CRP: variants seen among roughly 807,000 people sequenced by gnomAD.
The protein encoded by CRP is C-reactive protein.
In CRP, 6 loss-of-function variants were observed where a neutral mutation model predicts 3.0. That is an observed-to-expected ratio of 2.02 (90% CI 1.11 to 3.99). CRP has a LOEUF of 3.99. Ranked by LOEUF, CRP falls within the 30% of genes most tolerant of loss-of-function variation. The probability of loss-of-function intolerance (pLI) is 0.00; values close to 1 mark genes in which losing one functional copy is unlikely to be tolerated. For synonymous variants in CRP, 130 were observed against 111.0 expected, an observed-to-expected ratio of 1.17 and a Z score of -1.08; for missense variants, 297 against 271.0, an observed-to-expected ratio of 1.10 and a Z score of -0.67.
At position 159,713,943 on chromosome 1, in the gene CRP, G is replaced by T; in HGVS notation, c.257C>A (p.Ser86Tyr). Residue 86 changes from serine to tyrosine, a missense_variant, in exon 2 of 2, where the codon TCT becomes TAT. By Grantham distance (144) the Ser-to-Tyr change is moderately radical (BLOSUM62 -2). Coordinates refer to ENST00000255030, the MANE Select transcript of CRP (RefSeq NM_000567.3). ...TGTAAAACTGTATCCTATATCCTTAGACCAAAATATGAGAATCTCATTGTC... is the reference window on the plus strand; with the variant it reads ...TGTAAAACTGTATCCTATATCCTTATACCAAAATATGAGAATCTCATTGTC... Reference protein sequence around the residue: ...RQDNEILIFWSKDIGYSFTVG... With the variant: ...RQDNEILIFWYKDIGYSFTVG... The T allele has an allele frequency of 6.2e-7, 1 of 1,613,768 alleles. No individual in the cohort carries two copies. Among genetic ancestry groups the T allele is most frequent in the Non-Finnish European group, 8.5e-7 (1 of 1,179,994 alleles).
Position 159,713,591 on chromosome 1 carries a change from C to G in CRP, c.609G>C (p.Leu203=), listed in dbSNP as rs1475241135. The part of the protein sequence containing the change: ...YLGGPFSPNV[L]NWRALKYEVQ... ...CTTCATACTTCAGTGCCCGCCAGTT[C>G]AGGACATTAGGACTGAAGGGCCCGC... The change falls in exon 2 of 2, where the codon CTG becomes CTC. Residue 203 remains leucine, a synonymous_variant. Coordinates refer to ENST00000255030, the MANE Select transcript of CRP (RefSeq NM_000567.3). The G allele has an allele frequency of 6.2e-7, 1 of 1,614,180 alleles. No homozygotes were observed. The highest frequency in any genetic ancestry group is 8.5e-7 in the Non-Finnish European group (1 of 1,180,030).
At position 159,714,512 on chromosome 1, in the gene CRP, A is replaced by G. The variant is rs35086834; in HGVS notation, c.-27T>C. ...GTCACGTCCTGCTGCCAGTGATACA[A>G]GGGCCTGAATTCACTCCTTTGGAAA... is the stretch of plus-strand genomic sequence containing the variant. On this transcript the variant is annotated 5_prime_UTR_variant, in exon 1 of 2. Coordinates refer to ENST00000255030, the MANE Select transcript of CRP (RefSeq NM_000567.3). The G allele has an allele frequency of 6.2e-7, 1 of 1,613,444 alleles. No individual in the cohort carries two copies. The highest frequency in any genetic ancestry group is 1.7e-5 in the Admixed American group (1 of 59,960).
At position 159,712,559 on chromosome 1, in the gene CRP, C is replaced by A. The variant is rs894685012; in HGVS notation, c.*966G>T. 6.6e-6 allele frequency: 1 copy of A among 152,270 alleles called. No homozygotes were observed. The highest frequency in any genetic ancestry group is 1.5e-5 in the Non-Finnish European group (1 of 68,074). 9.4% of individuals were successfully genotyped at this position (152,270 alleles called of 1,614,324 possible). On this transcript the variant is annotated 3_prime_UTR_variant, in exon 2 of 2. Transcript: ENST00000255030. ...CACTCCCAAAGTCCATAACTCAATC[C>A]TTGGGAAGACTGTAGTTGGTCCTGC...
Position 159,713,720 on chromosome 1 carries a change from G to A in CRP, c.480C>T (p.Phe160=), listed in dbSNP as rs374947007. The part of the protein sequence containing the change: ...SIILGQEQDS[F]GGNFEGSQSL... ...ACTGGCTTCCTTCAAAGTTCCCACC[G>A]AAGGAATCCTGCTCCTGCCCCAAGA... Residue 160 remains phenylalanine, a synonymous_variant, in exon 2 of 2, where the codon TTC becomes TTT. Coordinates refer to ENST00000255030, the MANE Select transcript of CRP (RefSeq NM_000567.3). 1.1e-5 allele frequency: 17 copies of A among 1,614,002 alleles called. No individual in the cohort carries two copies. Among genetic ancestry groups the A allele is most frequent in the African/African-American group, 9.3e-5 (7 of 74,898 alleles).
rs755051450 is a variant in CRP at position 159,714,463 on chromosome 1, A to G, written c.23T>C (p.Leu8Ser). MEKLLCF[L>S]VLTSLSHAFG... Reference sequence around the variant, plus strand: ...AGCATGAGAGAGGCTGGTCAAGACCAAGAAACACAACAGCTTCTCCATGGT... The same window carrying G: ...AGCATGAGAGAGGCTGGTCAAGACCGAGAAACACAACAGCTTCTCCATGGT... The change falls in exon 1 of 2, where the codon TTG becomes TCG. Residue 8 changes from leucine to serine, a missense_variant. By Grantham distance (145) the Leu-to-Ser change is moderately radical (BLOSUM62 -2). Transcript: ENST00000255030. The G allele has an allele frequency of 1.7e-4, 274 of 1,613,684 alleles. No individual in the cohort carries two copies. Among genetic ancestry groups the G allele is most frequent in the Non-Finnish European group, 2.1e-4 (252 of 1,179,998 alleles).
At position 159,714,414 on chromosome 1, in the gene CRP, G is replaced by A. The variant is rs2101678196; in HGVS notation, c.61+11C>T. 1 of 1,612,700 alleles carries A rather than the reference G, an allele frequency of 6.2e-7. No homozygotes were observed. Among genetic ancestry groups the A allele is most frequent in the Non-Finnish European group, 8.5e-7 (1 of 1,179,398 alleles). On this transcript the variant is annotated intron_variant, in intron 1 of 1. Transcript: ENST00000255030. Reference sequence around the variant, plus strand: ...GATCAAATCTCTCCCATAGCCTGGGGTGGCCCTTACCTGTCTGGCCAAAAG... The same window carrying A: ...GATCAAATCTCTCCCATAGCCTGGGATGGCCCTTACCTGTCTGGCCAAAAG...
chr1:159,713,452 T>C lies in CRP; in HGVS notation c.*73A>G. 2 of 1,523,264 alleles carry C rather than the reference T, an allele frequency of 1.3e-6. No homozygotes were observed. Among genetic ancestry groups the C allele is most frequent in the Non-Finnish European group, 8.8e-7 (1 of 1,140,834 alleles). 94.4% of individuals were successfully genotyped at this position (1,523,264 alleles called of 1,614,324 possible). A position where few individuals can be genotyped will look rare whatever the true frequency, so the allele number is the denominator to read the frequency against. On this transcript the variant is annotated 3_prime_UTR_variant, in exon 2 of 2. Coordinates refer to ENST00000255030, the MANE Select transcript of CRP (RefSeq NM_000567.3). ...CCATGCAGTGTAAAAAAGCGGGAGG[T>C]ACCAGAGACAGAGACGTGGGGCCCA...
Position 159,712,693 on chromosome 1 carries a change from G to C in CRP, c.*832C>G, listed in dbSNP as rs1437518989. 2.0e-5 allele frequency: 3 copies of C among 152,224 alleles called. No homozygotes were observed. The highest frequency in any genetic ancestry group is 7.2e-5 in the African/African-American group (3 of 41,440). 9.4% of individuals were successfully genotyped at this position (152,224 alleles called of 1,614,324 possible). A position where few individuals can be genotyped will look rare whatever the true frequency, so the allele number is the denominator to read the frequency against. ...GTTCACGTCCACTCTTGTGGCCTGG[G>C]TATATTGGGAATGCGGGGATGAAGA... On this transcript the variant is annotated 3_prime_UTR_variant, in exon 2 of 2. Coordinates refer to ENST00000255030, the MANE Select transcript of CRP (RefSeq NM_000567.3).
rs945772751 is a variant in CRP at position 159,712,827 on chromosome 1, C to A, written c.*698G>T. 6.6e-6 allele frequency: 1 copy of A among 152,244 alleles called. No individual in the cohort carries two copies. The allele number at this position is 152,244 out of a possible 1,614,324, so 9.4% of individuals were successfully genotyped here. A position where few individuals can be genotyped will look rare whatever the true frequency, so the allele number is the denominator to read the frequency against. ...CAAACAAAAACCAGTCATTTAAGTT[C>A]TTGGCAGTAACAACATATTTATACC... On this transcript the variant is annotated 3_prime_UTR_variant, in exon 2 of 2. Coordinates refer to ENST00000255030, the MANE Select transcript of CRP (RefSeq NM_000567.3).
In CRP at chr1:159,713,519, T is replaced by C. The variant is rs771756744; in HGVS notation, c.*6A>G. ...GGGAGGTACCTTCAGGACCCACAGC[T>C]GGGCCTCAGGGCCACAGCTGGGGTT... On this transcript the variant is annotated 3_prime_UTR_variant, in exon 2 of 2. Transcript: ENST00000255030. 7.5e-5 allele frequency: 121 copies of C among 1,604,642 alleles called. No individual in the cohort carries two copies. The highest frequency in any genetic ancestry group is 3.0e-4 in the Admixed American group (18 of 59,182).
rs35661750 is a variant in CRP at position 159,713,840 on chromosome 1, G to A, written c.360C>T (p.Ser120=). 4.1e-4 allele frequency: 656 copies of A among 1,614,072 alleles called. 10 individuals carry two copies. In the East Asian group the frequency reaches 0.012, roughly 29 times the overall value. Residue 120 remains serine (S), a synonymous_variant, in exon 2 of 2, where the codon TCC becomes TCT. Coordinates refer to ENST00000255030, the MANE Select transcript of CRP (RefSeq NM_000567.3). The part of the protein sequence containing the change: ...APVHICTSWE[S]ASGIVEFWVD... ...CCCAGAACTCCACGATCCCTGAGGC[G>A]GACTCCCAGCTTGTACAAATGTGTA... is the stretch of plus-strand genomic sequence containing the variant.
chr1:159,714,286 CACACACACA>C, intron 1 of CRP, 130 bp downstream of exon 1: 3 of 1,111,600 alleles, frequency 2.7e-6, no homozygotes, highest in Non-Finnish European at 3.9e-6. Context: ...CACACACACA[CACACACACA>C]CCATGAAGGA....
In CRP at chr1:159,713,976, T is replaced by G; in HGVS notation, c.224A>C (p.Lys75Thr). The change falls in exon 2 of 2, where the codon AAG becomes ACG. Residue 75 changes from lysine to threonine, a missense_variant. Physicochemically the swap from Lys to Thr is moderately conservative, Grantham distance 78. Coordinates refer to ENST00000255030, the MANE Select transcript of CRP (RefSeq NM_000567.3). ...TATGAGAATCTCATTGTCTTGTCTC[T>G]TGGTGGCATACGAGAAAATACTGTA... ...RGYSIFSYATKRQDNEILIFW... is the reference protein window; with the variant it reads ...RGYSIFSYATTRQDNEILIFW... The G allele has an allele frequency of 6.2e-7, 1 of 1,613,730 alleles. No homozygotes were observed. Among genetic ancestry groups the G allele is most frequent in the Non-Finnish European group, 8.5e-7 (1 of 1,180,018 alleles).
At position 159,713,524 on chromosome 1, in the gene CRP, C is replaced by T. The variant is rs1436929512; in HGVS notation, c.*1G>A. 2.5e-6 allele frequency: 4 copies of T among 1,606,594 alleles called. No homozygotes were observed. In the African/African-American group the frequency reaches 5.4e-5, roughly 22 times the overall value. On this transcript the variant is annotated 3_prime_UTR_variant, in exon 2 of 2. Coordinates refer to ENST00000255030, the MANE Select transcript of CRP (RefSeq NM_000567.3). The stretch of plus-strand genomic sequence containing the variant: ...GTACCTTCAGGACCCACAGCTGGGC[C>T]TCAGGGCCACAGCTGGGGTTTGGTG...
In CRP at chr1:159,712,936, G is replaced by A. The variant is rs1179827310; in HGVS notation, c.*589C>T. The A allele has an allele frequency of 6.5e-6, 1 of 152,846 alleles. No individual in the cohort carries two copies. Among genetic ancestry groups the A allele is most frequent in the Non-Finnish European group, 1.5e-5 (1 of 68,532 alleles). The allele number at this position is 152,846 out of a possible 1,614,324, so 9.5% of individuals were successfully genotyped here. A position where few individuals can be genotyped will look rare whatever the true frequency, so the allele number is the denominator to read the frequency against. ...GGCCTTTCCAGTGTGCTTTGAGAAAGTGGAGGGACTGCGTGGTATTGCTGG... is the reference window on the plus strand; with the variant it reads ...GGCCTTTCCAGTGTGCTTTGAGAAAATGGAGGGACTGCGTGGTATTGCTGG... On this transcript the variant is annotated 3_prime_UTR_variant, in exon 2 of 2. Transcript: ENST00000255030.
rs1660723641 is a variant in CRP at position 159,713,359 on chromosome 1, C to T, written c.*166G>A. The T allele has an allele frequency of 6.2e-6, 5 of 805,422 alleles. No homozygotes were observed. The African/African-American group carries it at 8.6e-5, about 14-fold the overall frequency. 49.9% of individuals were successfully genotyped at this position (805,422 alleles called of 1,614,324 possible). On this transcript the variant is annotated 3_prime_UTR_variant, in exon 2 of 2. Coordinates refer to ENST00000255030, the MANE Select transcript of CRP (RefSeq NM_000567.3). Reference sequence around the variant, plus strand: ...GACACTTTACCTCCATTCTCAGGCGCTGAGGAGGGTGGAGCAGGCCTGCAA... The same window carrying T: ...GACACTTTACCTCCATTCTCAGGCGTTGAGGAGGGTGGAGCAGGCCTGCAA...
intron 1 of CRP, 128 bp from the exon 2 acceptor site, chr1:159,714,266 C>CAT: frequency 7.8e-6 from 2 of 257,864 alleles, no homozygotes; most frequent in South Asian, 9.8e-5. Flanking sequence ...ACCACACACA[C>CAT]ACACACACAC....
At position 159,713,460 on chromosome 1, in the gene CRP, A is replaced by G; in HGVS notation, c.*65T>C. 1 of 1,532,808 alleles carries G rather than the reference A, an allele frequency of 6.5e-7. No individual in the cohort carries two copies. Among genetic ancestry groups the G allele is most frequent in the Non-Finnish European group, 8.7e-7 (1 of 1,146,582 alleles). 95.0% of individuals were successfully genotyped at this position (1,532,808 alleles called of 1,614,324 possible). On this transcript the variant is annotated 3_prime_UTR_variant, in exon 2 of 2. Transcript: ENST00000255030. ...TGTAAAAAAGCGGGAGGTACCAGAG[A>G]CAGAGACGTGGGGCCCATGCGGTGT...
chr1:159,713,459 G>A lies in CRP; in HGVS notation c.*66C>T. ...GTGTAAAAAAGCGGGAGGTACCAGA[G>A]ACAGAGACGTGGGGCCCATGCGGTG... On this transcript the variant is annotated 3_prime_UTR_variant, in exon 2 of 2. Coordinates refer to ENST00000255030, the MANE Select transcript of CRP (RefSeq NM_000567.3). The A allele has an allele frequency of 4.6e-6, 7 of 1,532,162 alleles. No homozygotes were observed. Among genetic ancestry groups the A allele is most frequent in the Non-Finnish European group, 5.2e-6 (6 of 1,146,100 alleles). 94.9% of individuals were successfully genotyped at this position (1,532,162 alleles called of 1,614,324 possible).
Sources: gnomAD v4.1 joint callset for allele counts on GRCh38, gnomAD v4.1.1 for gene constraint, MANE v1.5 for transcripts, NCBI Gene and HGNC (gene_info 2026-07-23, HGNC 2026-07-21) for gene names.